PAAF1: variants seen among roughly 807,000 people sequenced by gnomAD.
PAAF1 encodes the protein proteasomal ATPase-associated factor 1.
A neutral mutation model predicts 52.8 loss-of-function variants in PAAF1; 46 were observed. That is an observed-to-expected ratio of 0.87 (90% CI 0.69 to 1.11). PAAF1 has a LOEUF of 1.11. Among genes scored for constraint, PAAF1 ranks in the 50% most tolerant of loss-of-function variants. The pLI is 0.00. For missense variants in PAAF1, 424 were observed against 477.4 expected (o/e 0.89, Z 1.04); for synonymous variants, 178 against 172.8 (o/e 1.03, Z -0.24).
At chr11:73,882,752 G>A (rs185834581) in intron 2 of PAAF1, among the ~76,000 whole-genome samples, 3 of 152,074 alleles carry the variant, frequency 2.0e-5, no homozygotes, top group African/African-American at 7.2e-5. Flanking sequence ...ACAGGTGTCC[G>A]CCACCACGCC....
chr11:73,877,246 A>G, intron 1 of PAAF1, 178 bp downstream of exon 1: 1 of 562,970 alleles, frequency 1.8e-6, no homozygotes, highest in Non-Finnish European at 2.8e-6. Context: ...TTCTCTGAAA[A>G]GCTATCCCTA....
chr11:73,890,456 G>A lies in PAAF1; in HGVS notation c.193-656G>A, dbSNP rs577500614. ...GTGATAATGACTAGGTAGAACACAT[G>A]GGGCATCAAAATATAGCTGTGTTAC... is the stretch of plus-strand genomic sequence containing the variant. On this transcript the variant is annotated intron_variant, in intron 3 of 11. Coordinates refer to ENST00000310571, the MANE Select transcript of PAAF1 (RefSeq NM_025155.3). Among the ~76,000 whole-genome samples, 3 of 152,246 alleles carry A rather than the reference G, an allele frequency of 2.0e-5. No homozygotes were observed. The East Asian group carries it at 5.8e-4, about 29-fold the overall frequency.
intron 11 of PAAF1, among the ~76,000 whole-genome samples, chr11:73,926,676 T>C (rs1467192527): frequency 1.3e-5 from 2 of 152,140 alleles, no homozygotes; most frequent in African/African-American, 4.8e-5. Flanking sequence ...GTCACTGCAC[T>C]CCAGCCTGAG....
chr11:73,898,959 T>G (rs1314178928), intron 4 of PAAF1, among the ~76,000 whole-genome samples, 187 bp from the exon 5 acceptor site: 1 of 152,234 alleles, frequency 6.6e-6, no homozygotes, highest in African/African-American at 2.4e-5. Flanking sequence ...AAAAGGTGTT[T>G]ACTTCAGCCT....
intron 4 of PAAF1, among the ~76,000 whole-genome samples, chr11:73,897,175 T>G (rs61901162): frequency 9.7e-6 from 1 of 102,888 alleles, no homozygotes. Context: ...CGGCTGGCCG[T>G]GCGGGGGGCT....
intron 2 of PAAF1, chr11:73,886,855 C>T: frequency 6.7e-6 from 2 of 296,772 alleles, no homozygotes; most frequent in Non-Finnish European, 1.4e-5. Context: ...GGGGCAGACC[C>T]CTCATGAATA....
rs1424729991 is a variant in PAAF1 at position 73,896,525 on chromosome 11, ATC to A, written c.283-2619_283-2618del. Reference sequence around the variant, plus strand: ...CTTAAGGAGCATGCTGCCTTCAAGCATCTGTTTAACAAAGCACATCTTGCACC... The same window carrying A: ...CTTAAGGAGCATGCTGCCTTCAAGCATGTTTAACAAAGCACATCTTGCACC... On this transcript the variant is annotated intron_variant, in intron 4 of 11. Coordinates refer to ENST00000310571, the MANE Select transcript of PAAF1 (RefSeq NM_025155.3). Among the ~76,000 whole-genome samples the A allele has an allele frequency of 2.0e-5, 3 of 151,204 alleles. No individual in the cohort carries two copies. The East Asian group carries it at 5.8e-4, about 29-fold the overall frequency.
chr11:73,918,608 T>C (rs1332324144), intron 9 of PAAF1, among the ~76,000 whole-genome samples: 1 of 151,762 alleles, frequency 6.6e-6, no homozygotes, highest in East Asian at 1.9e-4. Flanking sequence ...TCTTTCTTTT[T>C]AGAGTCCTGA....
chr11:73,916,719 CTT>C, intron 9 of PAAF1, 59 bp downstream of exon 9: 7 of 1,200,034 alleles, frequency 5.8e-6, no homozygotes, highest in Non-Finnish European at 8.6e-6. Flanking sequence ...TTTTTATTGG[CTT>C]TAACATTGAT....
At chr11:73,922,821 A>G (rs1052343519) in intron 10 of PAAF1, among the ~76,000 whole-genome samples, 2 of 151,500 alleles carry the variant, frequency 1.3e-5, no homozygotes. Flanking sequence ...CGTCTCAAAA[A>G]AAAAAAAAAA....
intron 11 of PAAF1, 118 bp downstream of exon 11, chr11:73,924,815 T>C: frequency 1.3e-6 from 1 of 775,876 alleles, no homozygotes; most frequent in Non-Finnish European, 2.1e-6. Flanking sequence ...GCTTATTGTA[T>C]AAGCAGTGTG....
At position 73,924,698 on chromosome 11, in the gene PAAF1, G is replaced by A. The variant is rs758996947; in HGVS notation, c.1101+1G>A. 1.9e-6 allele frequency: 3 copies of A among 1,613,522 alleles called. No homozygotes were observed. The East Asian group carries it at 6.7e-5, about 36-fold the overall frequency. On this transcript the variant is annotated splice_donor_variant, in intron 11 of 11. Transcript: ENST00000310571. LOFTEE classifies it high-confidence loss of function. ...GGCTGACTGTGACCCTGTGTACAAGGTACAGGCCTGAGACGACACCAGACC... is the reference window on the plus strand; with the variant it reads ...GGCTGACTGTGACCCTGTGTACAAGATACAGGCCTGAGACGACACCAGACC...
intron 10 of PAAF1, chr11:73,921,925 C>CT: frequency 9.3e-7 from 1 of 1,075,272 alleles, no homozygotes; most frequent in South Asian, 1.2e-5. Context: ...CTCACCTTGG[C>CT]TTTTGGAATT....
chr11:73,924,555 G>C, intron 10 of PAAF1, 60 bp from the exon 11 acceptor site: 1 of 1,397,346 alleles, frequency 7.2e-7, no homozygotes, highest in African/African-American at 1.4e-5. Flanking sequence ...AAAATACTGA[G>C]TTTTTAAACT....
intron 6 of PAAF1, among the ~76,000 whole-genome samples, chr11:73,903,306 T>G (rs1029132081): frequency 3.9e-5 from 6 of 152,248 alleles, no homozygotes; most frequent in Admixed American, 6.5e-5. Context: ...GATTGATCTC[T>G]GATAGCTTAA....
Position 73,928,585 on chromosome 11 carries a change from A to G in PAAF1, c.*1223A>G, listed in dbSNP as rs1016086861. On this transcript the variant is annotated 3_prime_UTR_variant, in exon 12 of 12. Coordinates refer to ENST00000310571, the MANE Select transcript of PAAF1 (RefSeq NM_025155.3). ...ACAATGTCCAGAATATGGATACCATATTATTTATATTTTTGAGATTATTAG... is the reference window on the plus strand; with the variant it reads ...ACAATGTCCAGAATATGGATACCATGTTATTTATATTTTTGAGATTATTAG... 1 of 152,188 alleles carries G rather than the reference A, an allele frequency of 6.6e-6. No homozygotes were observed. The highest frequency in any genetic ancestry group is 6.5e-5 in the Admixed American group (1 of 15,270). The allele number at this position is 152,188 out of a possible 1,614,324, so 9.4% of individuals were successfully genotyped here.
At chr11:73,880,244 CA>C (rs1338449115) in intron 2 of PAAF1, 1 of 151,652 alleles carries the variant, frequency 6.6e-6, no homozygotes, top group Non-Finnish European at 1.5e-5. Flanking sequence ...TACCCTGGAC[CA>C]GAAAGTGAGA....
chr11:73,925,156 C>CAAA (rs34408861), intron 11 of PAAF1, among the ~76,000 whole-genome samples: 3 of 61,742 alleles, frequency 4.9e-5, no homozygotes, highest in African/African-American at 1.3e-4. Context: ...GACTCCATCT[C>CAAA]AAAAAAAAAA....
intron 1 of PAAF1, among the ~76,000 whole-genome samples, chr11:73,878,280 A>G (rs1948801823): frequency 6.6e-6 from 1 of 152,212 alleles, no homozygotes; most frequent in Non-Finnish European, 1.5e-5. Flanking sequence ...CATCTCGTCA[A>G]ATGATAGAGG....
Sources: allele counts gnomAD v4.1 joint callset (sites outside exome capture counted in the v4.1 genomes callset), GRCh38; gene constraint gnomAD v4.1.1; transcripts MANE v1.5; gene names NCBI Gene and HGNC (gene_info 2026-07-23, HGNC 2026-07-21).